The following ATXN3 variants were observed in gnomAD, a reference collection of about 807,000 sequenced individuals.
The protein encoded by ATXN3 is ataxin-3.
ATXN3 carries 28 observed loss-of-function variants against 58.2 expected under a neutral mutation model. That is an observed-to-expected ratio of 0.48 (90% CI 0.36 to 0.66). ATXN3 has a LOEUF of 0.66. Among genes scored for constraint, ATXN3 ranks in the 30% least tolerant of loss-of-function variants. The probability of loss-of-function intolerance (pLI) is 0.00; values close to 1 mark genes in which losing one functional copy is unlikely to be tolerated. For synonymous variants in ATXN3, 113 were observed against 138.5 expected, an observed-to-expected ratio of 0.82 and a Z score of 1.29; for missense variants, 321 against 422.1, an observed-to-expected ratio of 0.76 and a Z score of 2.10.
At chr14:92,051,978 G>T (rs969639822), upstream of ATXN3, among the ~76,000 whole-genome samples, 1 of 151,320 alleles carries the variant, frequency 6.6e-6, no homozygotes, top group African/African-American at 2.4e-5. Context: ...ACCCGCCTTG[G>T]CCTCCCAAAG....
chr14:92,102,738 C>T (rs191013089), intron 1 of ATXN3, among the ~76,000 whole-genome samples: 1 of 152,156 alleles, frequency 6.6e-6, no homozygotes. Context: ...TGTTATTATC[C>T]CCACACTACA....
At chr14:92,069,083 C>CTTTTTTT (rs71301949) in intron 10 of ATXN3, among the ~76,000 whole-genome samples, 38,551 of 141,278 alleles carry the variant, frequency 0.27, 5,668 homozygotes, top group East Asian at 0.42. Flanking sequence ...ATGCTATAAT[C>CTTTTTTT]TTTTTTTTTT....
chr14:92,064,512 G>A lies in ATXN3; in HGVS notation c.992-98C>T, dbSNP rs1298481621. The A allele has an allele frequency of 7.7e-6, 7 of 909,920 alleles. No individual in the cohort carries two copies. In the Admixed American group the frequency reaches 9.3e-5, roughly 12 times the overall value. 56.4% of individuals were successfully genotyped at this position (909,920 alleles called of 1,614,324 possible). ...AGAAAATGTATTTCTATTTGAGCACGAGTTTCTTTTTTTGATTTAATACAT... is the reference window on the plus strand; with the variant it reads ...AGAAAATGTATTTCTATTTGAGCACAAGTTTCTTTTTTTGATTTAATACAT... On this transcript the variant is annotated intron_variant, in intron 10 of 10. Transcript: ENST00000644486.
chr14:92,077,475 T>C (rs1242669290), intron 9 of ATXN3: 1 of 151,150 alleles, frequency 6.6e-6, no homozygotes, highest in African/African-American at 2.4e-5. Flanking sequence ...GCCTCCAGAG[T>C]AGCTGGGACT....
At chr14:92,101,490 C>T (rs1308023924) in intron 1 of ATXN3, among the ~76,000 whole-genome samples, 1 of 152,196 alleles carries the variant, frequency 6.6e-6, no homozygotes, top group Non-Finnish European at 1.5e-5. Flanking sequence ...AAACTATCCC[C>T]AGCCACCTCT....
At chr14:92,095,449 A>G (rs950352663) in intron 3 of ATXN3, among the ~76,000 whole-genome samples, 5 of 151,044 alleles carry the variant, frequency 3.3e-5, no homozygotes, top group East Asian at 4.0e-4. Context: ...TCACCATGTT[A>G]GCCAGGATGG....
intron 5 of ATXN3, among the ~76,000 whole-genome samples, chr14:92,089,757 T>C (rs930396816): frequency 1.3e-5 from 2 of 152,238 alleles, no homozygotes; most frequent in Non-Finnish European, 2.9e-5. Flanking sequence ...TATAATTAAA[T>C]CTTTTTTCAA....
At chr14:92,066,626 G>A (rs1162838799) in intron 10 of ATXN3, among the ~76,000 whole-genome samples, 1 of 39,406 alleles carries the variant, frequency 2.5e-5, no homozygotes, top group Non-Finnish European at 5.2e-5. Context: ...TTTTTTTTTT[G>A]AGACAAGGTC....
intron 1 of ATXN3, among the ~76,000 whole-genome samples, chr14:92,098,363 G>C (rs2065907432): frequency 6.6e-6 from 1 of 152,168 alleles, no homozygotes; most frequent in East Asian, 1.9e-4. Context: ...CGAGGTGGGT[G>C]GACTGCTTGA....
chr14:92,045,129 C>T (rs766150540), intron 2 of ATXN3, among the ~76,000 whole-genome samples: 97 of 152,248 alleles, frequency 6.4e-4, no homozygotes, highest in African/African-American at 1.9e-3. Flanking sequence ...TTCTCGAGGA[C>T]GGGCTCTAAT....
In ATXN3 at chr14:92,058,575, T is replaced by C. The variant is rs1403051393; in HGVS notation, c.*5745A>G. ...AATAGAAAAGCAAACATTATCTTTATTTAATAATCTTTGATATTTAAAATA... is the reference window on the plus strand; with the variant it reads ...AATAGAAAAGCAAACATTATCTTTACTTAATAATCTTTGATATTTAAAATA... On this transcript the variant is annotated 3_prime_UTR_variant, in exon 11 of 11. Coordinates refer to ENST00000644486, the MANE Select transcript of ATXN3 (RefSeq NM_004993.6). 6 of 152,226 alleles carry C rather than the reference T, an allele frequency of 3.9e-5. No homozygotes were observed. The highest frequency in any genetic ancestry group is 1.3e-4 in the Admixed American group (2 of 15,280). 9.4% of individuals were successfully genotyped at this position (152,226 alleles called of 1,614,324 possible).
intron 9 of ATXN3, chr14:92,073,423 G>A (rs1269213882): frequency 6.6e-6 from 1 of 151,062 alleles, no homozygotes; most frequent in Non-Finnish European, 1.5e-5. Context: ...AAGCAGAAAC[G>A]GGTCAGGCAC....
At chr14:92,100,188 A>G (rs2066450008) in intron 1 of ATXN3, among the ~76,000 whole-genome samples, 1 of 152,232 alleles carries the variant, frequency 6.6e-6, no homozygotes, top group Non-Finnish European at 1.5e-5. Flanking sequence ...GGTATAACCA[A>G]TAATAACTAA....
intron 9 of ATXN3, among the ~76,000 whole-genome samples, chr14:92,078,165 G>A (rs2060772270): frequency 1.3e-5 from 2 of 151,786 alleles, no homozygotes; most frequent in Non-Finnish European, 1.5e-5. Context: ...AGTGGAGACA[G>A]GGTTTCGCCA....
intron 9 of ATXN3, among the ~76,000 whole-genome samples, chr14:92,076,695 T>C (rs747578825): frequency 8.6e-5 from 13 of 150,884 alleles, no homozygotes; most frequent in Non-Finnish European, 1.6e-4. Context: ...ATCCCAGAAC[T>C]TTGGGAGGCC....
rs764943652 is a variant in ATXN3 at position 92,096,143 on chromosome 14, A to G, written c.190-6T>C. 7.5e-6 allele frequency: 10 copies of G among 1,331,944 alleles called. No individual in the cohort carries two copies. Among genetic ancestry groups the G allele is most frequent in the Non-Finnish European group, 1.0e-5 (10 of 965,484 alleles). 82.5% of individuals were successfully genotyped at this position (1,331,944 alleles called of 1,614,324 possible). On this transcript the variant is annotated splice_region_variant and splice_polypyrimidine_tract_variant and intron_variant, in intron 2 of 10. Coordinates refer to ENST00000644486, the MANE Select transcript of ATXN3 (RefSeq NM_004993.6). ...TCCATATTTCCAGAAGGCTGCTGTT[A>G]ATTTTGACAGGTAGTTGAAGCAAGG...
At chr14:92,079,448 T>C (rs1391778540) in intron 9 of ATXN3, 2 of 982,532 alleles carry the variant, frequency 2.0e-6, no homozygotes, top group African/African-American at 1.7e-5. Flanking sequence ...GAATTTTCCT[T>C]CATCTACTTC....
intron 1 of ATXN3, among the ~76,000 whole-genome samples, chr14:92,098,014 T>A (rs2065836827): frequency 6.6e-6 from 1 of 152,210 alleles, no homozygotes; most frequent in Admixed American, 6.5e-5. Context: ...AAATCTCATA[T>A]TTTACTAAAA....
rs1381297437 is a variant in ATXN3 at position 92,070,970 on chromosome 14, G to A, written c.956C>T (p.Pro319Leu). Residue 319 changes from proline (P) to leucine (L), a missense_variant, in exon 10 of 11, where the codon CCA (proline) becomes CTA (leucine). Around this residue, in one of 2 missense-constraint regions of ATXN3, gnomAD observed 200 missense variants for 223.2 expected, o/e 0.90. Transcript: ENST00000644486. ...SGQSSHPCER[P>L]ATSSGALGSD... is the part of the protein sequence containing the mutation. ...CCCAAGTGCTCCTGAACTGGTGGCT[G>A]GCCTTTCACATGGATGTGAACTCTG... is the stretch of plus-strand genomic sequence containing the variant. The A allele has an allele frequency of 7.7e-7, 1 of 1,301,306 alleles. No homozygotes were observed. Among genetic ancestry groups the A allele is most frequent in the South Asian group, 1.7e-5 (1 of 57,420 alleles). 80.6% of individuals were successfully genotyped at this position (1,301,306 alleles called of 1,614,324 possible).
Sources: gnomAD v4.1 joint callset for allele counts (sites outside exome capture counted in the v4.1 genomes callset) on GRCh38, gnomAD v4.1.1 for gene constraint, gnomAD v4.1.1 regional missense constraint, MANE v1.5 for transcripts, NCBI Gene and HGNC (gene_info 2026-07-23, HGNC 2026-07-21) for gene names.